The following TLN1 variants were observed in gnomAD, a reference collection of about 807,000 sequenced individuals.
The protein encoded by TLN1 is talin-1.
TLN1 carries 56 observed loss-of-function variants against 292.3 expected under a neutral mutation model. That is an observed-to-expected ratio of 0.19 (90% CI 0.15 to 0.24). The LOEUF is 0.24. Among genes scored for constraint, TLN1 ranks in the 10% least tolerant of loss-of-function variants. The pLI, the probability that TLN1 is intolerant of heterozygous loss-of-function variation, is 1.00. For synonymous variants in TLN1, 1,119 were observed against 1,253.7 expected (o/e 0.89, Z 2.27); for missense variants, 2,433 against 3,248.2 (o/e 0.75, Z 6.10).
chr9:35,699,138 G>A lies in TLN1; in HGVS notation c.6893C>T (p.Pro2298Leu). The A allele has an allele frequency of 6.2e-7, 1 of 1,611,746 alleles. No homozygotes were observed. Among genetic ancestry groups the A allele is most frequent in the Non-Finnish European group, 8.5e-7 (1 of 1,178,636 alleles). ...CTCAGCAATGACTGTGGGGTCCTCTGGGTCTACCCATTCTGTTCCTGGTGG... is the reference window on the plus strand; with the variant it reads ...CTCAGCAATGACTGTGGGGTCCTCTAGGTCTACCCATTCTGTTCCTGGTGG... ...EAMKGTEWVD[P>L]EDPTVIAENE... The change falls in exon 52 of 57, where the codon CCA becomes CTA. Residue 2298 changes from proline to leucine, a missense_variant. By Grantham distance (98) the Pro-to-Leu change is moderately conservative. Transcript: ENST00000314888. The surrounding 1 kb of genome is among the most constrained non-coding windows in gnomAD (Gnocchi z 4.0).
Position 35,724,417 on chromosome 9 carries a change from C to A in TLN1, c.512-83G>T, listed in dbSNP as rs372739482. The A allele has an allele frequency of 1.4e-4, 216 of 1,585,556 alleles. No individual in the cohort carries two copies. In the African/African-American group the frequency reaches 2.8e-3, roughly 20 times the overall value. Reference sequence around the variant, plus strand: ...CTCTGTTTATTTCTGCATTTCCTACCTCCCCTCACTTAAATGTAAGTCCCA... The same window carrying A: ...CTCTGTTTATTTCTGCATTTCCTACATCCCCTCACTTAAATGTAAGTCCCA... On this transcript the variant is annotated intron_variant, in intron 5 of 56. Coordinates refer to ENST00000314888, the MANE Select transcript of TLN1 (RefSeq NM_006289.4). The surrounding 1 kb of genome is among the most constrained non-coding windows in gnomAD (Gnocchi z 4.7).
rs747410963 is a variant in TLN1, at chr9:35,711,806, G to A, written c.3682-14C>T. The A allele has an allele frequency of 8.1e-6, 13 of 1,613,832 alleles. 1 individual carries two copies. The highest frequency in any genetic ancestry group is 7.7e-5 in the South Asian group (7 of 91,070). ...GCTAGGAGGAAGCTGCAAGGTGAGA[G>A]GGGAAGTCAGACAGAAGAGTGGGGA... On this transcript the variant is annotated splice_polypyrimidine_tract_variant and intron_variant, in intron 28 of 56. Coordinates refer to ENST00000314888, the MANE Select transcript of TLN1 (RefSeq NM_006289.4).
chr9:35,718,749 G>C, intron 17 of TLN1, 63 bp downstream of exon 17: 1 of 1,436,746 alleles, frequency 7.0e-7, no homozygotes, highest in Admixed American at 1.8e-5. Context: ...CTAGGAACTG[G>C]ATTCACGAGC....
chr9:35,720,312 A>G (rs1825858863), intron 12 of TLN1, 93 bp from the exon 13 acceptor site: 3 of 1,531,902 alleles, frequency 2.0e-6, no homozygotes, highest in East Asian at 2.3e-5. Context: ...GTGAGGTCTC[A>G]CTACAGCCTG....
Position 35,707,684 on chromosome 9 carries a change from A to G in TLN1, c.4632+47T>C. On this transcript the variant is annotated intron_variant, in intron 35 of 56. Transcript: ENST00000314888. This position sits in a 1 kb window ranked among gnomAD's most constrained non-coding sequence, Gnocchi z 5.6. ...AGAATAACTGGGGGACTCGGGGGAG[A>G]AGATAGGACAGGTCAGGGAGAGGCT... is the stretch of plus-strand genomic sequence containing the variant. The G allele has an allele frequency of 3.7e-6, 6 of 1,610,552 alleles. No individual in the cohort carries two copies. Among genetic ancestry groups the G allele is most frequent in the Non-Finnish European group, 4.2e-6 (5 of 1,177,298 alleles).
At position 35,704,526 on chromosome 9, in the gene TLN1, G is replaced by A; in HGVS notation, c.5881-28C>T. ...GGGTAGGGAATGTCACATGGTGACT[G>A]TGGAAGGTGCCATGTGAAATGGAAA... On this transcript the variant is annotated intron_variant, in intron 44 of 56. Coordinates refer to ENST00000314888, the MANE Select transcript of TLN1 (RefSeq NM_006289.4). This position sits in a 1 kb window ranked among gnomAD's most constrained non-coding sequence, Gnocchi z 6.9. The A allele has an allele frequency of 6.3e-7, 1 of 1,590,538 alleles. No homozygotes were observed. The highest frequency in any genetic ancestry group is 8.6e-7 in the Non-Finnish European group (1 of 1,166,688).
intron 7 of TLN1, chr9:35,723,669 C>A: frequency 2.7e-6 from 1 of 376,098 alleles, no homozygotes. Context: ...ACCCGGTTTC[C>A]CTCTGGCTAC....
intron 8 of TLN1, 82 bp downstream of exon 8, chr9:35,722,779 G>A (rs1825899756): frequency 2.8e-6 from 4 of 1,416,802 alleles, no homozygotes; most frequent in South Asian, 2.3e-5. Flanking sequence ...AGACGGGGAG[G>A]AGGCAGGGGG....
At chr9:35,728,332 G>GAT (rs1826013942) in intron 1 of TLN1, among the ~76,000 whole-genome samples, 1 of 152,180 alleles carries the variant, frequency 6.6e-6, no homozygotes, top group Non-Finnish European at 1.5e-5. Context: ...TAAGAGGGAT[G>GAT]GGGGAGTAAC....
intron 48 of TLN1, among the ~76,000 whole-genome samples, chr9:35,702,485 A>AT (rs560082440): frequency 0.022 from 3,275 of 151,768 alleles, 58 homozygotes; most frequent in Non-Finnish European, 0.03. Flanking sequence ...AAAGAATTTC[A>AT]TTTTTTTTCT....
chr9:35,703,481 A>G (rs1386885166), intron 48 of TLN1, 79 bp downstream of exon 48: 4 of 1,299,366 alleles, frequency 3.1e-6, no homozygotes, highest in East Asian at 2.3e-5. Flanking sequence ...AGCTGTGAGT[A>G]TATGTGTGGC....
chr9:35,705,003 C>A lies in TLN1; in HGVS notation c.5734-188G>T, dbSNP rs759668240. Among the ~76,000 whole-genome samples, 70 of 152,184 alleles carry A rather than the reference C, an allele frequency of 4.6e-4. No homozygotes were observed. The highest frequency in any genetic ancestry group is 4.0e-4 in the Non-Finnish European group (27 of 68,038). On this transcript the variant is annotated intron_variant, in intron 43 of 56. Transcript: ENST00000314888. ...TTTAGGCAGAAGGTCACCTCCTACA[C>A]ACAGAAAATAGTAGCACGCAGGCAC...
Position 35,717,528 on chromosome 9 carries a change from G to A in TLN1, c.2164-88C>T, listed in dbSNP as rs1445884817. On this transcript the variant is annotated intron_variant, in intron 18 of 56. Coordinates refer to ENST00000314888, the MANE Select transcript of TLN1 (RefSeq NM_006289.4). This position sits in a 1 kb window ranked among gnomAD's most constrained non-coding sequence, Gnocchi z 4.7. ...AGCAGTAACTGGGATGGGTGAGGAG[G>A]CCTCCAGAGCCAAAGAAATAAAATG... 7 of 1,574,352 alleles carry A rather than the reference G, an allele frequency of 4.4e-6. No individual in the cohort carries two copies. The Admixed American group carries it at 6.9e-5, about 16-fold the overall frequency.
At chr9:35,722,080 G>A (rs1232591860) in intron 9 of TLN1, 39 bp downstream of exon 9, 2 of 1,564,694 alleles carry the variant, frequency 1.3e-6, no homozygotes, top group South Asian at 1.1e-5. Context: ...GGGCAAGAGT[G>A]GGAAACAAGG....
intron 17 of TLN1, among the ~76,000 whole-genome samples, chr9:35,718,549 C>A (rs757901347): frequency 3.3e-5 from 5 of 151,390 alleles, no homozygotes; most frequent in Non-Finnish European, 7.4e-5. Flanking sequence ...GGGCTATGTA[C>A]GGGGAAGAGA....
chr9:35,723,842 C>T, intron 7 of TLN1, 110 bp downstream of exon 7: 1 of 1,534,430 alleles, frequency 6.5e-7, no homozygotes, highest in South Asian at 1.2e-5. Flanking sequence ...ACCCTGGTAC[C>T]TCGGAAGAAG....
At chr9:35,723,792 A>G in intron 7 of TLN1, 160 bp downstream of exon 7, 1 of 1,052,774 alleles carries the variant, frequency 9.5e-7, no homozygotes, top group Non-Finnish European at 1.4e-6. Flanking sequence ...GAGAAGAGAC[A>G]ATGGATGATG....
At chr9:35,721,401 C>T (rs548395438) in intron 10 of TLN1, among the ~76,000 whole-genome samples, 22 of 152,320 alleles carry the variant, frequency 1.4e-4, no homozygotes, top group African/African-American at 5.3e-4. Context: ...TTCACCACAC[C>T]TACAAGAATT....
chr9:35,703,710 T>A, intron 47 of TLN1, 34 bp from the exon 48 acceptor site: 1 of 1,614,108 alleles, frequency 6.2e-7, no homozygotes, highest in Non-Finnish European at 8.5e-7. Flanking sequence ...AGGAATGATT[T>A]TAAGGAACAG....
Sources: gnomAD v4.1 joint callset for allele counts (sites outside exome capture counted in the v4.1 genomes callset) on GRCh38, gnomAD v4.1.1 for gene constraint, Gnocchi (gnomAD v3.1) non-coding constraint, MANE v1.5 for transcripts, NCBI Gene and HGNC (gene_info 2026-07-23, HGNC 2026-07-21) for gene names.